The following CFAP46 variants were observed in gnomAD, a reference collection of about 807,000 sequenced individuals.
CFAP46 encodes cilia and flagella associated protein 46, also known as cilia- and flagella-associated protein 46.
Under a neutral mutation model 325.7 loss-of-function variants are expected in CFAP46, and 245 were observed. The ratio of observed to expected loss-of-function variants is 0.75; its 90% CI spans 0.68 to 0.84. The LOEUF is 0.84. CFAP46 is among the 40% of genes least tolerant of loss of function. The probability of loss-of-function intolerance (pLI) is 0.00; values close to 1 mark genes in which losing one functional copy is unlikely to be tolerated. For synonymous variants in CFAP46, 1,523 were observed against 1,495.9 expected (o/e 1.02, Z -0.42); for missense variants, 3,346 against 3,543.0 (o/e 0.94, Z 1.41).
At position 132,889,334 on chromosome 10, in the gene CFAP46, G is replaced by A. The variant is rs917399975; in HGVS notation, c.3304+2999C>T. On this transcript the variant is annotated intron_variant, in intron 25 of 57. Coordinates refer to ENST00000368586, the MANE Select transcript of CFAP46 (RefSeq NM_001200049.3). This position sits in a 1 kb window ranked among gnomAD's most constrained non-coding sequence, Gnocchi z 6.0. ...CCGGCTGGGTCTAGGGAGCAGAGGTGCCCATGGCTGGAAGGAAGGCACCCA... is the reference window on the plus strand; with the variant it reads ...CCGGCTGGGTCTAGGGAGCAGAGGTACCCATGGCTGGAAGGAAGGCACCCA... Among the ~76,000 whole-genome samples, 16 of 152,302 alleles carry A rather than the reference G, an allele frequency of 1.1e-4. No individual in the cohort carries two copies. The highest frequency in any genetic ancestry group is 5.2e-4 in the Admixed American group (8 of 15,310).
At position 132,909,914 on chromosome 10, in the gene CFAP46, C is replaced by T. The variant is rs377671129; in HGVS notation, c.2649+5G>A. On this transcript the variant is annotated splice_donor_5th_base_variant and intron_variant, in intron 20 of 57. Transcript: ENST00000368586. Reference sequence around the variant, plus strand: ...CAGAGCCCAGATGTGGGCAGGGGCGCCCACCTGCTCCTCGGTGCCCAGCCG... The same window carrying T: ...CAGAGCCCAGATGTGGGCAGGGGCGTCCACCTGCTCCTCGGTGCCCAGCCG... The T allele has an allele frequency of 1.6e-4, 228 of 1,443,732 alleles. No homozygotes were observed. The African/African-American group carries it at 3.0e-3, about 19-fold the overall frequency. The allele number at this position is 1,443,732 out of a possible 1,614,324, so 89.4% of individuals were successfully genotyped here.
At chr10:132,921,830 TG>T (rs2135606642) in intron 13 of CFAP46, among the ~76,000 whole-genome samples, 1 of 152,334 alleles carries the variant, frequency 6.6e-6, no homozygotes, top group Admixed American at 6.5e-5. Flanking sequence ...AGCCTGGGGC[TG>T]GGAGGAGTAA....
At chr10:132,882,376 G>A (rs1849060664) in intron 27 of CFAP46, among the ~76,000 whole-genome samples, 3 of 151,846 alleles carry the variant, frequency 2.0e-5, no homozygotes, top group Admixed American at 2.0e-4. Context: ...GTGTGTCTTG[G>A]TCACAGCTGT....
chr10:132,843,047 C>G (rs1313223234), intron 44 of CFAP46, among the ~76,000 whole-genome samples: 1 of 152,218 alleles, frequency 6.6e-6, no homozygotes, highest in Non-Finnish European at 1.5e-5. Flanking sequence ...CTTGCTCTGT[C>G]TTTTCCAATG....
intron 9 of CFAP46, among the ~76,000 whole-genome samples, chr10:132,928,460 G>A (rs1428218725): frequency 6.6e-6 from 1 of 152,194 alleles, no homozygotes; most frequent in East Asian, 1.9e-4. Context: ...CCTGGTGGGC[G>A]GTCCCTCCAA....
chr10:132,879,117 G>A (rs1224149870), intron 29 of CFAP46, among the ~76,000 whole-genome samples: 1 of 152,226 alleles, frequency 6.6e-6, no homozygotes, highest in Admixed American at 6.5e-5. Context: ...CAGGGCGGGT[G>A]TCAGGGAGGA....
intron 50 of CFAP46, among the ~76,000 whole-genome samples, chr10:132,825,172 C>T (rs1288986100): frequency 7.8e-6 from 1 of 127,414 alleles, no homozygotes; most frequent in Non-Finnish European, 1.6e-5. Context: ...GTGATGTGTG[C>T]TGTGTGTGTG....
In CFAP46 at chr10:132,860,937, C is replaced by T. The variant is rs1304699841; in HGVS notation, c.4936G>A (p.Ala1646Thr). Residue 1646 changes from alanine to threonine, a missense_variant, in exon 36 of 58, where the codon GCA (alanine) becomes ACA (threonine). Physicochemically the swap from Ala to Thr is moderately conservative, Grantham distance 58. Transcript: ENST00000368586. ...CAEAQCLLLL[A>T]QLANKEKNYG... ...TTTTTCTCCTTGTTGGCCAACTGTG[C>T]GAGGAGGAGCAGGCACTGGGCCTCT... 1.3e-6 allele frequency: 2 copies of T among 1,550,512 alleles called. No homozygotes were observed. The highest frequency in any genetic ancestry group is 2.4e-5 in the East Asian group (1 of 40,946).
Position 132,835,442 on chromosome 10 carries a change from G to A in CFAP46, c.6614-8C>T. 1 of 1,613,446 alleles carries A rather than the reference G, an allele frequency of 6.2e-7. No individual in the cohort carries two copies. Among genetic ancestry groups the A allele is most frequent in the South Asian group, 1.1e-5 (1 of 91,068 alleles). ...GCATCACCTTGCAGGAGCCTGTGGGGACATGGACACACCCTCTGTCGCTGC... is the reference window on the plus strand; with the variant it reads ...GCATCACCTTGCAGGAGCCTGTGGGAACATGGACACACCCTCTGTCGCTGC... On this transcript the variant is annotated splice_region_variant and splice_polypyrimidine_tract_variant and intron_variant, in intron 46 of 57. Transcript: ENST00000368586.
chr10:132,866,014 G>T lies in CFAP46; in HGVS notation c.4890+11C>A. On this transcript the variant is annotated intron_variant, in intron 35 of 57. Coordinates refer to ENST00000368586, the MANE Select transcript of CFAP46 (RefSeq NM_001200049.3). The stretch of plus-strand genomic sequence containing the variant: ...GCTGTGGATGGTGATGGGCTGGGAG[G>T]GGCTCCTCACCTGGAAAGCCAGGTA... 1 of 1,494,216 alleles carries T rather than the reference G, an allele frequency of 6.7e-7. No individual in the cohort carries two copies. The highest frequency in any genetic ancestry group is 9.0e-7 in the Non-Finnish European group (1 of 1,117,300). 92.6% of individuals were successfully genotyped at this position (1,494,216 alleles called of 1,614,324 possible).
chr10:132,868,447 G>A (rs1848849741), intron 33 of CFAP46, among the ~76,000 whole-genome samples: 1 of 152,196 alleles, frequency 6.6e-6, no homozygotes, highest in East Asian at 1.9e-4. Context: ...TGTTCAGCCG[G>A]GCTGCACAGA....
At chr10:132,931,051 C>T in intron 8 of CFAP46, among the ~76,000 whole-genome samples, 1 of 114,522 alleles carries the variant, frequency 8.7e-6, no homozygotes, top group African/African-American at 3.5e-5. Flanking sequence ...ACTCCCCACA[C>T]AGAGCCTGGG....
intron 22 of CFAP46, among the ~76,000 whole-genome samples, chr10:132,904,231 G>A (rs1171825340): frequency 1.3e-5 from 2 of 152,244 alleles, no homozygotes; most frequent in African/African-American, 4.8e-5. Flanking sequence ...ACTGGGGAAG[G>A]GCCTGTGGCT....
chr10:132,825,417 A>G (rs1290554874), intron 50 of CFAP46, among the ~76,000 whole-genome samples: 1 of 152,180 alleles, frequency 6.6e-6, no homozygotes, highest in Non-Finnish European at 1.5e-5. Flanking sequence ...ACAGACACGC[A>G]ATATAAAGGG....
intron 5 of CFAP46, 46 bp downstream of exon 5, chr10:132,938,543 G>A (rs373607604): frequency 6.3e-7 from 1 of 1,592,988 alleles, no homozygotes; most frequent in African/African-American, 1.3e-5. Flanking sequence ...AGAGCCAGAG[G>A]GCGGCCCACC....
At chr10:132,912,154 CCTCTCTCTCTT>C (rs1228134923) in intron 19 of CFAP46, among the ~76,000 whole-genome samples, 6 of 134,624 alleles carry the variant, frequency 4.5e-5, no homozygotes, top group African/African-American at 1.4e-4. Context: ...CTCTCTCTCT[CCTCTCTCTCTT>C]CTCTCTCCTC....
At chr10:132,920,332 G>A (rs1409098299) in intron 13 of CFAP46, 150 bp from the exon 14 acceptor site, 10 of 1,031,260 alleles carry the variant, frequency 9.7e-6, no homozygotes, top group South Asian at 5.2e-5. Context: ...CCCAGAAGCC[G>A]AGCTCCTCAC....
chr10:132,836,208 A>G lies in CFAP46; in HGVS notation c.6547T>C (p.Tyr2183His), dbSNP rs1848244335. 6.2e-7 allele frequency: 1 copy of G among 1,611,174 alleles called. No individual in the cohort carries two copies. Among genetic ancestry groups the G allele is most frequent in the Non-Finnish European group, 8.5e-7 (1 of 1,179,612 alleles). The change falls in exon 46 of 58, where the codon TAC (tyrosine) becomes CAC (histidine). Residue 2183 changes from tyrosine to histidine, a missense_variant. Coordinates refer to ENST00000368586, the MANE Select transcript of CFAP46 (RefSeq NM_001200049.3). ...LHLSGDRSRLYGAAYEKPKFI... is the reference protein window; with the variant it reads ...LHLSGDRSRLHGAAYEKPKFI... ...TTGGGTTTCTCGTAGGCAGCGCCGT[A>G]CAGACGGGACCTGCTGGCAGGACGT...
intron 48 of CFAP46, 101 bp downstream of exon 48, chr10:132,834,553 C>T (rs1848205807): frequency 2.7e-6 from 4 of 1,503,172 alleles, no homozygotes; most frequent in African/African-American, 2.8e-5. Flanking sequence ...ACAAAGGCGG[C>T]CGAGAAGGCA....
Sources: gnomAD v4.1 joint callset for allele counts (sites outside exome capture counted in the v4.1 genomes callset) on GRCh38, gnomAD v4.1.1 for gene constraint, Gnocchi (gnomAD v3.1) non-coding constraint, MANE v1.5 for transcripts, NCBI Gene and HGNC (gene_info 2026-07-23, HGNC 2026-07-21) for gene names.